Variants in UTRN observed in about 807,000 individuals in gnomAD.
UTRN encodes the protein utrophin.
A neutral mutation model predicts 463.9 loss-of-function variants in UTRN; 283 were observed. The ratio of observed to expected loss-of-function variants is 0.61; its 90% CI spans 0.55 to 0.67. The LOEUF is 0.67. Among genes scored for constraint, UTRN ranks in the 30% least tolerant of loss-of-function variants. The probability of loss-of-function intolerance (pLI) is 0.00; values close to 1 mark genes in which losing one functional copy is unlikely to be tolerated. For synonymous variants in UTRN, 1,442 were observed against 1,431.5 expected, an observed-to-expected ratio of 1.01 and a Z score of -0.17; for missense variants, 3,922 against 4,084.3, an observed-to-expected ratio of 0.96 and a Z score of 1.08.
At chr6:144,439,856 G>A (rs1252102001) in intron 12 of UTRN, among the ~76,000 whole-genome samples, 1 of 152,112 alleles carries the variant, frequency 6.6e-6, no homozygotes, top group Non-Finnish European at 1.5e-5. Flanking sequence ...CATGGAAAAG[G>A]CGAGAGAATC....
chr6:144,395,529 CATT>C (rs1023468528), intron 2 of UTRN, among the ~76,000 whole-genome samples: 4 of 150,182 alleles, frequency 2.7e-5, no homozygotes, highest in South Asian at 4.2e-4. Context: ...AGTAGAAAAA[CATT>C]ATCTCCTATA....
At chr6:144,530,400 A>G (rs1011979503) in intron 41 of UTRN, among the ~76,000 whole-genome samples, 7 of 152,172 alleles carry the variant, frequency 4.6e-5, no homozygotes, top group African/African-American at 1.4e-4. Flanking sequence ...GGAAAGCTCT[A>G]TCTCTAAGTA....
At chr6:144,336,757 T>C (rs557138932) in intron 2 of UTRN, among the ~76,000 whole-genome samples, 1 of 152,262 alleles carries the variant, frequency 6.6e-6, no homozygotes, top group South Asian at 2.1e-4. Flanking sequence ...TCCTTTCTTT[T>C]TGAAGTATTT....
At chr6:144,635,514 C>CTTT (rs1402815648) in intron 51 of UTRN, among the ~76,000 whole-genome samples, 138 of 79,994 alleles carry the variant, frequency 1.7e-3, no homozygotes, top group Non-Finnish European at 2.2e-3. Context: ...CTTTTTTTTT[C>CTTT]TTTTTTTTTT....
At chr6:144,785,631 G>A (rs1776232534) in intron 61 of UTRN, among the ~76,000 whole-genome samples, 1 of 152,066 alleles carries the variant, frequency 6.6e-6, no homozygotes, top group African/African-American at 2.4e-5. Context: ...CATCTGTCAT[G>A]GATGACAAGA....
Position 144,803,107 on chromosome 6 carries a change from G to A in UTRN, c.9317G>A (p.Gly3106Asp). Residue 3106 changes from glycine (G) to aspartate (D), a missense_variant, in exon 65 of 75, where the codon GGT (glycine) becomes GAT (aspartate). This residue lies in a region of UTRN where 1,309 missense variants were observed against 1,452.6 expected (regional missense o/e 0.90). Coordinates refer to ENST00000367545, the MANE Select transcript of UTRN (RefSeq NM_007124.3). ...SCFFSGRTAK[G>D]HKLHYPMVEY... is the part of the protein sequence containing the mutation. ...TTCTTTTCGGGTCGAACAGCAAAAG[G>A]TCACAAATTACATTACCCAATGGTG... 6.3e-7 allele frequency: 1 copy of A among 1,595,498 alleles called. No homozygotes were observed. The highest frequency in any genetic ancestry group is 8.5e-7 in the Non-Finnish European group (1 of 1,171,330).
chr6:144,714,113 G>A (rs1387122590), intron 53 of UTRN, among the ~76,000 whole-genome samples: 1 of 152,110 alleles, frequency 6.6e-6, no homozygotes, highest in African/African-American at 2.4e-5. Flanking sequence ...AAACTTTCAA[G>A]GCACTATGTA....
At chr6:144,492,107 G>A (rs965196405) in intron 32 of UTRN, among the ~76,000 whole-genome samples, 5 of 152,136 alleles carry the variant, frequency 3.3e-5, no homozygotes, top group African/African-American at 1.2e-4. Context: ...TTTGGGCTTC[G>A]ACTGAACCCA....
intron 65 of UTRN, among the ~76,000 whole-genome samples, chr6:144,807,231 C>G (rs1211300562): frequency 6.6e-6 from 1 of 152,044 alleles, no homozygotes; most frequent in African/African-American, 2.4e-5. Context: ...TAAGAGCTTT[C>G]TGCAATTTAG....
chr6:144,627,247 C>T (rs1388356420), intron 51 of UTRN, among the ~76,000 whole-genome samples: 1 of 152,158 alleles, frequency 6.6e-6, no homozygotes, highest in African/African-American at 2.4e-5. Context: ...AAGGGCATTA[C>T]ATCTAAATGG....
At chr6:144,289,238 T>C (rs1033240338) in intron 1 of UTRN, among the ~76,000 whole-genome samples, 1 of 152,214 alleles carries the variant, frequency 6.6e-6, no homozygotes, top group African/African-American at 2.4e-5. Flanking sequence ...CTTCACCTAA[T>C]TGCCTAAGCC....
In UTRN at chr6:144,462,667, T is replaced by A; in HGVS notation, c.2867T>A (p.Ile956Asn). Reference sequence around the variant, plus strand: ...AACTTTTTCCAGACCCTTGATGAAATCCTTGAGAATCAGAAACCTGCATTA... The same window carrying A: ...AACTTTTTCCAGACCCTTGATGAAAACCTTGAGAATCAGAAACCTGCATTA... ...ALQEKKTLDE[I>N]LENQKPALHK... Residue 956 changes from isoleucine (I) to asparagine (N), a missense_variant, in exon 23 of 75, where the codon ATC becomes AAC. Transcript: ENST00000367545. The A allele has an allele frequency of 1.2e-6, 2 of 1,601,466 alleles. No individual in the cohort carries two copies. The highest frequency in any genetic ancestry group is 2.7e-5 in the African/African-American group (2 of 73,984).
intron 74 of UTRN, among the ~76,000 whole-genome samples, chr6:144,848,583 G>A (rs1782219844): frequency 6.6e-6 from 1 of 152,160 alleles, no homozygotes; most frequent in Non-Finnish European, 1.5e-5. Flanking sequence ...AGTAAGCTGT[G>A]GAGGTAGAGG....
chr6:144,844,363 G>C (rs1781845386), intron 73 of UTRN, among the ~76,000 whole-genome samples: 1 of 151,698 alleles, frequency 6.6e-6, no homozygotes, highest in East Asian at 1.9e-4. Flanking sequence ...CCACCTCCCA[G>C]GCTCAAGCAA....
At chr6:144,397,072 C>T (rs953053155) in intron 2 of UTRN, among the ~76,000 whole-genome samples, 3 of 151,942 alleles carry the variant, frequency 2.0e-5, no homozygotes, top group Admixed American at 6.6e-5. Context: ...GGTGAAACCC[C>T]GTCTCTACTA....
At chr6:144,530,023 A>G (rs751477383) in intron 41 of UTRN, among the ~76,000 whole-genome samples, 4 of 152,200 alleles carry the variant, frequency 2.6e-5, no homozygotes, top group Non-Finnish European at 2.9e-5. Flanking sequence ...CCTCTGTCTT[A>G]TTGCATAACG....
intron 7 of UTRN, among the ~76,000 whole-genome samples, chr6:144,427,702 A>T (rs948394617): frequency 6.6e-6 from 1 of 152,092 alleles, no homozygotes; most frequent in Non-Finnish European, 1.5e-5. Context: ...CTAGGTTTTT[A>T]GTTGGTTAAG....
intron 52 of UTRN, among the ~76,000 whole-genome samples, chr6:144,685,995 C>T (rs1323561807): frequency 6.6e-6 from 1 of 152,004 alleles, no homozygotes; most frequent in Non-Finnish European, 1.5e-5. Flanking sequence ...AAGAGTTTTT[C>T]CTAGAATTTC....
chr6:144,629,193 T>C (rs889395748), intron 51 of UTRN, among the ~76,000 whole-genome samples: 2 of 152,142 alleles, frequency 1.3e-5, no homozygotes, highest in African/African-American at 4.8e-5. Flanking sequence ...TATTTGCTTA[T>C]TTGCTCTTAC....
Sources: gnomAD v4.1 joint callset for allele counts (sites outside exome capture counted in the v4.1 genomes callset) on GRCh38, gnomAD v4.1.1 for gene constraint, gnomAD v4.1.1 regional missense constraint, MANE v1.5 for transcripts, NCBI Gene and HGNC (gene_info 2026-07-23, HGNC 2026-07-21) for gene names.